HECW1: variants seen among roughly 807,000 people sequenced by gnomAD.
HECW1 encodes the protein E3 ubiquitin-protein ligase HECW1.
In HECW1, 61 loss-of-function variants were observed where a neutral mutation model predicts 182.3. That is an observed-to-expected ratio of 0.33 (90% CI 0.27 to 0.41). The LOEUF is 0.41. Among genes scored for constraint, HECW1 ranks in the 10% least tolerant of loss-of-function variants. The pLI is 1.00. For missense variants in HECW1, 1,739 were observed against 2,108.9 expected, an observed-to-expected ratio of 0.82 and a Z score of 3.44; for synonymous variants, 859 against 832.6, an observed-to-expected ratio of 1.03 and a Z score of -0.55.
chr7:43,303,326 C>T (rs59894337), intron 3 of HECW1, among the ~76,000 whole-genome samples: 337 of 148,842 alleles, frequency 2.3e-3, no homozygotes, highest in African/African-American at 7.9e-3. Flanking sequence ...GGAGCAAAGA[C>T]CACCCCACCC....
At chr7:43,375,241 T>C (rs2074278266) in intron 6 of HECW1, among the ~76,000 whole-genome samples, 1 of 152,120 alleles carries the variant, frequency 6.6e-6, no homozygotes, top group South Asian at 2.1e-4. Context: ...CAAGAAAATT[T>C]GAATGTTCTC....
At position 43,323,860 on chromosome 7, in the gene HECW1, C is replaced by T. The variant is rs75280131; in HGVS notation, c.460+3118C>T. Among the ~76,000 whole-genome samples the T allele has an allele frequency of 6.4e-5, 8 of 125,032 alleles. No homozygotes were observed. The East Asian group carries it at 1.6e-3, about 26-fold the overall frequency. The allele number at this position is 125,032 out of a possible 152,430, so 82.0% of individuals were successfully genotyped here. On this transcript the variant is annotated intron_variant, in intron 5 of 29. Transcript: ENST00000395891. The stretch of plus-strand genomic sequence containing the variant: ...TTTCACCCTGGCCCATATGGTGAAA[C>T]CCCATCTCTGCTAAAATACAAAAAT...
At position 43,421,804 on chromosome 7, in the gene HECW1, G is replaced by A. The variant is rs147959225; in HGVS notation, c.801+14073G>A. On this transcript the variant is annotated intron_variant, in intron 8 of 29. Transcript: ENST00000395891. ...ACAATGATGGCTGCTGGTGAGGTGTGGAACATAGACTCTCCAACTCTGCTG... is the reference window on the plus strand; with the variant it reads ...ACAATGATGGCTGCTGGTGAGGTGTAGAACATAGACTCTCCAACTCTGCTG... Among the ~76,000 whole-genome samples, 6 of 152,258 alleles carry A rather than the reference G, an allele frequency of 3.9e-5. No homozygotes were observed. In the East Asian group the frequency reaches 1.2e-3, roughly 29 times the overall value.
At chr7:43,145,003 A>G (rs181264574) in intron 2 of HECW1, among the ~76,000 whole-genome samples, 5 of 152,316 alleles carry the variant, frequency 3.3e-5, no homozygotes, top group Admixed American at 3.3e-4. Context: ...TAATCTGCAT[A>G]TATGTCCTTT....
intron 5 of HECW1, among the ~76,000 whole-genome samples, chr7:43,359,160 T>A (rs766594545): frequency 1.7e-4 from 26 of 152,180 alleles, no homozygotes; most frequent in Non-Finnish European, 2.4e-4. Flanking sequence ...TACTGTAATA[T>A]TCGTATCTAC....
intron 9 of HECW1, 63 bp from the exon 10 acceptor site, chr7:43,442,466 A>G (rs1006302751): frequency 8.3e-7 from 1 of 1,201,804 alleles, no homozygotes; most frequent in Non-Finnish European, 1.2e-6. Context: ...TAGAAAGCAC[A>G]CTGCATGGTC....
chr7:43,361,479 CTG>C (rs555897912), intron 6 of HECW1, among the ~76,000 whole-genome samples: 172 of 152,322 alleles, frequency 1.1e-3, no homozygotes, highest in South Asian at 7.7e-3. Context: ...TCACCCTTCT[CTG>C]TGTATAAATG....
At chr7:43,383,744 T>A (rs1370200514) in intron 6 of HECW1, among the ~76,000 whole-genome samples, 1 of 152,182 alleles carries the variant, frequency 6.6e-6, no homozygotes. Context: ...CAATCCCCCA[T>A]GCAGTCAAAC....
At chr7:43,294,755 T>C (rs1446360591) in intron 3 of HECW1, among the ~76,000 whole-genome samples, 1 of 152,140 alleles carries the variant, frequency 6.6e-6, no homozygotes, top group African/African-American at 2.4e-5. Flanking sequence ...TTTGTCCCCA[T>C]AAACCAGAAA....
chr7:43,252,809 G>C (rs192338176), intron 3 of HECW1, among the ~76,000 whole-genome samples: 4 of 152,230 alleles, frequency 2.6e-5, no homozygotes, highest in African/African-American at 9.6e-5. Flanking sequence ...GGGGAAAGTA[G>C]TCTTGCAGTG....
intron 14 of HECW1, among the ~76,000 whole-genome samples, chr7:43,466,027 GGAA>G (rs2077759719): frequency 2.4e-5 from 1 of 41,818 alleles, no homozygotes; most frequent in Non-Finnish European, 4.6e-5. Context: ...ACAGAGGGAA[GGAA>G]GGAAGGAAGG....
At chr7:43,501,039 CTG>C (rs2079331119) in intron 20 of HECW1, among the ~76,000 whole-genome samples, 172 bp from the exon 21 acceptor site, 1 of 152,146 alleles carries the variant, frequency 6.6e-6, no homozygotes, top group Non-Finnish European at 1.5e-5. Flanking sequence ...TAAAACAACA[CTG>C]AGAATTTGCA....
intron 17 of HECW1, among the ~76,000 whole-genome samples, chr7:43,488,372 AAGG>A (rs1563044900): frequency 2.0e-4 from 26 of 131,504 alleles, no homozygotes; most frequent in African/African-American, 4.5e-4. Context: ...GGAAGGAAGG[AAGG>A]AAGGAAGGAA....
Position 43,554,727 on chromosome 7 carries a change from G to A in HECW1, c.4646G>A (p.Arg1549His), listed in dbSNP as rs760923794. ...SVPYEGFAAL[R>H]GSNGLRRFCI... is the part of the protein sequence containing the mutation. ...CCCTACGAAGGCTTCGCAGCCCTCC[G>A]TGGGAGCAATGGGCTTCGGCGCTTC... Residue 1549 changes from arginine (R) to histidine (H), a missense_variant, in exon 29 of 30, where the codon CGT (arginine) becomes CAT (histidine). By Grantham distance (29) the Arg-to-His change is conservative. Coordinates refer to ENST00000395891, the MANE Select transcript of HECW1 (RefSeq NM_015052.5). 30 of 1,614,030 alleles carry A rather than the reference G, an allele frequency of 1.9e-5. No individual in the cohort carries two copies. The highest frequency in any genetic ancestry group is 6.6e-5 in the South Asian group (6 of 91,060).
At chr7:43,161,189 A>G (rs187856000) in intron 2 of HECW1, among the ~76,000 whole-genome samples, 3 of 152,178 alleles carry the variant, frequency 2.0e-5, no homozygotes, top group Admixed American at 2.0e-4. Context: ...CTTTTTCAAG[A>G]GGCCTCCCTT....
chr7:43,524,963 GTTAA>G (rs1474833430), intron 24 of HECW1, among the ~76,000 whole-genome samples: 1 of 152,152 alleles, frequency 6.6e-6, no homozygotes, highest in Non-Finnish European at 1.5e-5. Flanking sequence ...GAGAATCAGC[GTTAA>G]TTAACTTGAG....
intron 9 of HECW1, 196 bp downstream of exon 9, chr7:43,438,341 C>G (rs1446403003): frequency 2.1e-6 from 1 of 467,766 alleles, no homozygotes; most frequent in African/African-American, 2.0e-5. Flanking sequence ...CATCCCTTTT[C>G]ACTTGATGTG....
chr7:43,295,382 C>G, intron 3 of HECW1, among the ~76,000 whole-genome samples: 1 of 152,154 alleles, frequency 6.6e-6, no homozygotes, highest in Non-Finnish European at 1.5e-5. Context: ...CAAGACAATT[C>G]CCAGCATGAA....
rs1427291872 is a variant in HECW1, at chr7:43,360,936, C to A, written c.511C>A (p.Arg171=). ...KYYHGVSGAL[R]ATTPSVTVKN... is the part of the protein sequence containing the mutation. ...CTACCATGGAGTGAGTGGGGCCCTG[C>A]GAGCAACCACCCCCAGTGTCACGGT... Residue 171 remains arginine (R), a synonymous_variant, in exon 6 of 30, where the codon CGA becomes AGA. Coordinates refer to ENST00000395891, the MANE Select transcript of HECW1 (RefSeq NM_015052.5). 6.2e-7 allele frequency: 1 copy of A among 1,613,630 alleles called. No individual in the cohort carries two copies. Among genetic ancestry groups the A allele is most frequent in the Non-Finnish European group, 8.5e-7 (1 of 1,179,832 alleles).
Sources: allele counts gnomAD v4.1 joint callset (sites outside exome capture counted in the v4.1 genomes callset), GRCh38; gene constraint gnomAD v4.1.1; transcripts MANE v1.5; gene names NCBI Gene and HGNC (gene_info 2026-07-23, HGNC 2026-07-21).